Variants in RHOJ observed in about 807,000 individuals in gnomAD.
The protein encoded by RHOJ is rho-related GTP-binding protein RhoJ.
In RHOJ, 11 loss-of-function variants were observed where a neutral mutation model predicts 23.4. The ratio of observed to expected loss-of-function variants is 0.47; its 90% confidence interval spans 0.30 to 0.78. RHOJ has a LOEUF of 0.78. Among genes scored for constraint, RHOJ ranks in the 30% least tolerant of loss-of-function variants. The pLI is 0.08. For missense variants in RHOJ, 254 were observed against 273.4 expected, an observed-to-expected ratio of 0.93 and a Z score of 0.50; for synonymous variants, 102 against 102.7, an observed-to-expected ratio of 0.99 and a Z score of 0.04.
At chr14:63,219,379 A>G (rs907365811) in intron 1 of RHOJ, among the ~76,000 whole-genome samples, 1 of 152,184 alleles carries the variant, frequency 6.6e-6, no homozygotes, top group East Asian at 1.9e-4. Context: ...ACTTCAGAGG[A>G]TTTAATGCAC....
At chr14:63,278,744 G>C (rs560212016) in intron 2 of RHOJ, among the ~76,000 whole-genome samples, 1 of 152,092 alleles carries the variant, frequency 6.6e-6, no homozygotes, top group Non-Finnish European at 1.5e-5. Flanking sequence ...GCACTTTGGC[G>C]GGGGCTGAGG....
intron 1 of RHOJ, among the ~76,000 whole-genome samples, chr14:63,231,801 A>G (rs1894700684): frequency 6.6e-6 from 1 of 152,246 alleles, no homozygotes; most frequent in Non-Finnish European, 1.5e-5. Context: ...TCATGTGGGA[A>G]AGATACTTGA....
intron 1 of RHOJ, among the ~76,000 whole-genome samples, chr14:63,229,619 C>CTCAGTGAAG: frequency 6.6e-6 from 1 of 152,302 alleles, no homozygotes; most frequent in Non-Finnish European, 1.5e-5. Context: ...ATGGCCCCCT[C>CTCAGTGAAG]CATCTGCAAA....
chr14:63,229,507 A>G (rs1254925427), intron 1 of RHOJ, among the ~76,000 whole-genome samples: 1 of 151,868 alleles, frequency 6.6e-6, no homozygotes, highest in Non-Finnish European at 1.5e-5. Context: ...TTTTTGCAGA[A>G]TTCATTTCCT....
intron 1 of RHOJ, among the ~76,000 whole-genome samples, chr14:63,263,984 CTTTTTT>C (rs34629316): frequency 2.1e-5 from 3 of 146,298 alleles, no homozygotes; most frequent in Non-Finnish European, 4.5e-5. Context: ...AAAGCCTTTT[CTTTTTT>C]TTTTTAATTT....
At chr14:63,230,201 A>C (rs1894665848) in intron 1 of RHOJ, among the ~76,000 whole-genome samples, 1 of 150,792 alleles carries the variant, frequency 6.6e-6, no homozygotes, top group Non-Finnish European at 1.5e-5. Context: ...AAAAAAAACT[A>C]GTAAGTCCAA....
chr14:63,228,704 A>G (rs1315872660), intron 1 of RHOJ, among the ~76,000 whole-genome samples: 1 of 152,216 alleles, frequency 6.6e-6, no homozygotes, highest in Non-Finnish European at 1.5e-5. Context: ...AAGAATAAAC[A>G]AAACTCTAAG....
In RHOJ at chr14:63,239,254, G is replaced by T. The variant is rs141063001; in HGVS notation, c.179-29856G>T. Among the ~76,000 whole-genome samples the T allele has an allele frequency of 1.2e-3, 177 of 152,236 alleles. 1 individual carries two copies. The highest frequency in any genetic ancestry group is 3.9e-3 in the African/African-American group (163 of 41,546). On this transcript the variant is annotated intron_variant, in intron 1 of 4. Transcript: ENST00000316754. ...AGCCTCCTGAGTAGCTGGAACTACA[G>T]ATGGCAGCCACTACACCTGGCTAAT...
At position 63,257,236 on chromosome 14, in the gene RHOJ, C is replaced by CAAA. The variant is rs11463617; in HGVS notation, c.179-11854_179-11852dup. ...CTGGGTGACACAGTGAGACTGTCTC[C>CAAA]AAAAAAAAAAAAAAAAAAAAAAGAG... On this transcript the variant is annotated intron_variant, in intron 1 of 4. Coordinates refer to ENST00000316754, the MANE Select transcript of RHOJ (RefSeq NM_020663.5). Among the ~76,000 whole-genome samples, 191 of 49,048 alleles carry CAAA rather than the reference C, an allele frequency of 3.9e-3. 3 individuals are homozygous for CAAA. The East Asian group carries it at 0.062, about 16-fold the overall frequency. 32.2% of individuals were successfully genotyped at this position (49,048 alleles called of 152,430 possible).
At chr14:63,242,779 AAC>A (rs1894906957) in intron 1 of RHOJ, among the ~76,000 whole-genome samples, 1 of 152,170 alleles carries the variant, frequency 6.6e-6, no homozygotes, top group Non-Finnish European at 1.5e-5. Flanking sequence ...CTCTCATCCA[AAC>A]CAAACTCCAC....
chr14:63,232,484 G>A (rs529922056), intron 1 of RHOJ, among the ~76,000 whole-genome samples: 5 of 152,180 alleles, frequency 3.3e-5, no homozygotes, highest in East Asian at 3.9e-4. Context: ...TTAGCAAGTT[G>A]GCCAGAATCT....
chr14:63,269,887 A>C (rs1895435421), intron 2 of RHOJ, among the ~76,000 whole-genome samples: 1 of 152,204 alleles, frequency 6.6e-6, no homozygotes, highest in Non-Finnish European at 1.5e-5. Flanking sequence ...CTTTCCCAGC[A>C]TCCCACACAT....
chr14:63,208,412 T>A (rs1287166814), intron 1 of RHOJ, among the ~76,000 whole-genome samples: 3 of 152,198 alleles, frequency 2.0e-5, no homozygotes, highest in African/African-American at 7.2e-5. Flanking sequence ...TTTATATGCT[T>A]CCTTATTTTC....
intron 1 of RHOJ, among the ~76,000 whole-genome samples, chr14:63,249,933 C>T (rs1209773016): frequency 6.6e-6 from 1 of 152,192 alleles, no homozygotes; most frequent in African/African-American, 2.4e-5. Flanking sequence ...GTCAAATTTG[C>T]ACAAGCAACA....
At chr14:63,215,611 C>T (rs1326667131) in intron 1 of RHOJ, among the ~76,000 whole-genome samples, 1 of 151,612 alleles carries the variant, frequency 6.6e-6, no homozygotes, top group Non-Finnish European at 1.5e-5. Flanking sequence ...GACAAGAAAA[C>T]CGAAGCTCAG....
intron 1 of RHOJ, among the ~76,000 whole-genome samples, chr14:63,253,434 G>A (rs372171781): frequency 1.3e-5 from 2 of 150,948 alleles, no homozygotes; most frequent in Non-Finnish European, 1.5e-5. Flanking sequence ...GTTTCACTAT[G>A]TTGCCCAGGC....
chr14:63,242,888 T>C lies in RHOJ; in HGVS notation c.179-26222T>C, dbSNP rs142249302. On this transcript the variant is annotated intron_variant, in intron 1 of 4. Transcript: ENST00000316754. ...TTTTGCTATGTGCAGTATTTTTATA[T>C]AAATGAAAAACTGGCAAGTGATTAA... Among the ~76,000 whole-genome samples the C allele has an allele frequency of 3.5e-3, 531 of 152,252 alleles. 3 individuals are homozygous for C. The highest frequency in any genetic ancestry group is 0.011 in the African/African-American group (467 of 41,536).
At chr14:63,259,951 T>C (rs1313399155) in intron 1 of RHOJ, among the ~76,000 whole-genome samples, 2 of 152,180 alleles carry the variant, frequency 1.3e-5, no homozygotes, top group Non-Finnish European at 2.9e-5. Flanking sequence ...AATCTTAGGA[T>C]GACAACCATG....
chr14:63,232,910 G>T (rs1894722952), intron 1 of RHOJ, among the ~76,000 whole-genome samples: 1 of 151,754 alleles, frequency 6.6e-6, no homozygotes, highest in Non-Finnish European at 1.5e-5. Flanking sequence ...TGTCCAGGCT[G>T]GTATCAAACT....
Sources: gnomAD v4.1 joint callset for allele counts (sites outside exome capture counted in the v4.1 genomes callset) on GRCh38, gnomAD v4.1.1 for gene constraint, MANE v1.5 for transcripts, NCBI Gene and HGNC (gene_info 2026-07-23, HGNC 2026-07-21) for gene names.